The following EVI5 variants were observed in gnomAD, a reference collection of about 807,000 sequenced individuals.
The protein encoded by EVI5 is ecotropic viral integration site 5 protein homolog.
Under a neutral mutation model 112.0 loss-of-function variants are expected in EVI5, and 73 were observed. That is an observed-to-expected ratio of 0.65 (90% CI 0.54 to 0.79). The LOEUF is 0.79. EVI5 is among the 30% of genes least tolerant of loss of function. The pLI is 0.00. For missense variants in EVI5, 900 were observed against 968.8 expected (o/e 0.93, Z 0.94); for synonymous variants, 305 against 319.9 (o/e 0.95, Z 0.50).
At chr1:92,765,213 T>TA in intron 1 of EVI5, among the ~76,000 whole-genome samples, 1 of 130,690 alleles carries the variant, frequency 7.7e-6, no homozygotes, top group Admixed American at 9.0e-5. Context: ...TTTTTTTCCT[T>TA]CCTTTTTTTT....
chr1:92,580,239 C>A lies in EVI5; in HGVS notation c.2071-16502G>T, dbSNP rs898962607. On this transcript the variant is annotated intron_variant, in intron 18 of 19. Coordinates refer to ENST00000684568, the MANE Select transcript of EVI5 (RefSeq NM_001350197.2). ...ATTCTTTCCTGTTTAATCCAAAAAT[C>A]AAATTCCACCCAGCAAGGACTGCTA... is the stretch of plus-strand genomic sequence containing the variant. Among the ~76,000 whole-genome samples the A allele has an allele frequency of 2.6e-5, 4 of 152,290 alleles. No homozygotes were observed. In the East Asian group the frequency reaches 5.8e-4, roughly 22 times the overall value.
chr1:92,660,207 G>C (rs1663738919), intron 13 of EVI5, among the ~76,000 whole-genome samples: 1 of 151,848 alleles, frequency 6.6e-6, no homozygotes, highest in African/African-American at 2.4e-5. Flanking sequence ...AAATGCACTT[G>C]GATCCCCTAA....
At chr1:92,777,850 A>G (rs1684355706) in intron 1 of EVI5, among the ~76,000 whole-genome samples, 1 of 152,122 alleles carries the variant, frequency 6.6e-6, no homozygotes, top group African/African-American at 2.4e-5. Context: ...GACAATAGCA[A>G]CAAAATTTTG....
chr1:92,631,935 T>G (rs1054911592), intron 14 of EVI5, among the ~76,000 whole-genome samples: 1 of 152,222 alleles, frequency 6.6e-6, no homozygotes, highest in African/African-American at 2.4e-5. Context: ...TCTATTGAGA[T>G]AATTATGTGG....
intron 1 of EVI5, among the ~76,000 whole-genome samples, chr1:92,754,149 T>G (rs373941893): frequency 2.6e-5 from 4 of 152,240 alleles, no homozygotes; most frequent in East Asian, 3.8e-4. Flanking sequence ...GGTCTTTACA[T>G]GCTATCCAAC....
At chr1:92,590,301 A>G (rs1673593171) in intron 18 of EVI5, among the ~76,000 whole-genome samples, 1 of 152,212 alleles carries the variant, frequency 6.6e-6, no homozygotes, top group African/African-American at 2.4e-5. Flanking sequence ...AAGGCTTCAG[A>G]CGATCGAACT....
chr1:92,561,609 C>G (rs879678385), intron 19 of EVI5, among the ~76,000 whole-genome samples: 12 of 20,858 alleles, frequency 5.8e-4, no homozygotes, highest in Non-Finnish European at 9.6e-4. Flanking sequence ...CTAATCTATC[C>G]TATCTATCTA....
chr1:92,700,452 T>C (rs901367709), intron 5 of EVI5, among the ~76,000 whole-genome samples: 1 of 152,320 alleles, frequency 6.6e-6, no homozygotes, highest in Non-Finnish European at 1.5e-5. Context: ...CTTATGGCCC[T>C]GGGCCATAAG....
At chr1:92,526,678 T>C (rs1162812095) in intron 19 of EVI5, among the ~76,000 whole-genome samples, 1 of 152,154 alleles carries the variant, frequency 6.6e-6, no homozygotes, top group African/African-American at 2.4e-5. Flanking sequence ...TAAGCAGTGG[T>C]TGCAGGAGTT....
At chr1:92,714,255 T>C (rs900418386) in intron 2 of EVI5, 1 of 389,726 alleles carries the variant, frequency 2.6e-6, no homozygotes, top group African/African-American at 2.2e-5. Flanking sequence ...TAGAATTTGA[T>C]ATTTTCATGT....
At chr1:92,633,458 G>C (rs36133411) in intron 14 of EVI5, among the ~76,000 whole-genome samples, 2 of 152,040 alleles carry the variant, frequency 1.3e-5, no homozygotes, top group Non-Finnish European at 1.5e-5. Context: ...ATCTTTGTTG[G>C]TTTAAAGTCT....
chr1:92,684,757 A>T (rs1198920130), intron 9 of EVI5, among the ~76,000 whole-genome samples: 1 of 152,152 alleles, frequency 6.6e-6, no homozygotes, highest in African/African-American at 2.4e-5. Context: ...TTGCAATCCT[A>T]GTCTCTGATA....
In EVI5 at chr1:92,513,772, C is replaced by T; in HGVS notation, c.2365G>A (p.Ala789Thr). The T allele has an allele frequency of 6.2e-7, 1 of 1,613,568 alleles. No homozygotes were observed. ...SGSMSLDPAV[A>T]DGSESETEDS... ...TCTGTTTCGCTCTCACTACCATCTG[C>T]CACTGCGGGGTCCAAAGACATCGAA... The change falls in exon 20 of 20, where the codon GCA becomes ACA. Residue 789 changes from alanine to threonine, a missense_variant. By Grantham distance (58) the Ala-to-Thr change is moderately conservative (BLOSUM62 0). Transcript: ENST00000684568.
At chr1:92,787,893 AAAGT>A (rs1356065818), upstream of EVI5, among the ~76,000 whole-genome samples, 1 of 152,256 alleles carries the variant, frequency 6.6e-6, no homozygotes, top group Non-Finnish European at 1.5e-5. Context: ...TAAATGACAC[AAAGT>A]ATGTGAATTA....
At chr1:92,717,610 T>G (rs1558138147) in intron 2 of EVI5, among the ~76,000 whole-genome samples, 1 of 152,134 alleles carries the variant, frequency 6.6e-6, no homozygotes, top group Admixed American at 6.5e-5. Flanking sequence ...GTAAAGACCA[T>G]CGACACTATG....
intron 1 of EVI5, among the ~76,000 whole-genome samples, chr1:92,752,761 T>C (rs1310901650): frequency 2.6e-5 from 4 of 152,150 alleles, no homozygotes; most frequent in Non-Finnish European, 5.9e-5. Context: ...TAAAGCCCTT[T>C]TTCTTTTCTC....
chr1:92,604,911 A>AT (rs1650020167), intron 18 of EVI5, among the ~76,000 whole-genome samples: 2 of 152,170 alleles, frequency 1.3e-5, no homozygotes, highest in South Asian at 4.1e-4. Context: ...ATATGACTGT[A>AT]TTGTATGATC....
chr1:92,668,759 CA>C (rs2102241056), intron 10 of EVI5, among the ~76,000 whole-genome samples: 1 of 152,258 alleles, frequency 6.6e-6, no homozygotes, highest in African/African-American at 2.4e-5. Context: ...TAATACAGAC[CA>C]TTTCAGGGTT....
Position 92,510,128 on chromosome 1 carries a change from T to C in EVI5, c.*3528A>G, listed in dbSNP as rs1659103017. On this transcript the variant is annotated 3_prime_UTR_variant, in exon 20 of 20. Coordinates refer to ENST00000684568, the MANE Select transcript of EVI5 (RefSeq NM_001350197.2). ...ATTTCTAGTTTTTTGTTGTCCAAATTACAAGAGTTTCAACGGATTAAGGTT... is the reference window on the plus strand; with the variant it reads ...ATTTCTAGTTTTTTGTTGTCCAAATCACAAGAGTTTCAACGGATTAAGGTT... 1 of 152,230 alleles carries C rather than the reference T, an allele frequency of 6.6e-6. No individual in the cohort carries two copies. The highest frequency in any genetic ancestry group is 2.1e-4 in the South Asian group (1 of 4,832). 9.4% of individuals were successfully genotyped at this position (152,230 alleles called of 1,614,324 possible). A position where few individuals can be genotyped will look rare whatever the true frequency, so the allele number is the denominator to read the frequency against.
Sources: gnomAD v4.1 joint callset for allele counts (sites outside exome capture counted in the v4.1 genomes callset) on GRCh38, gnomAD v4.1.1 for gene constraint, MANE v1.5 for transcripts, NCBI Gene and HGNC (gene_info 2026-07-23, HGNC 2026-07-21) for gene names.